The following PCSK5 variants were observed in gnomAD, a reference collection of about 807,000 sequenced individuals.
PCSK5 encodes prohormone convertase 5.
PCSK5 carries 129 observed loss-of-function variants against 233.2 expected under a neutral mutation model. The observed-to-expected ratio is 0.55, with a 90% CI of 0.48 to 0.64. The LOEUF is 0.64. PCSK5 is among the 30% of genes least tolerant of loss of function. The pLI is 0.00. For synonymous variants in PCSK5, 825 were observed against 879.2 expected, an observed-to-expected ratio of 0.94 and a Z score of 1.09; for missense variants, 2,076 against 2,430.1, an observed-to-expected ratio of 0.85 and a Z score of 3.06.
chr9:76,252,727 A>C (rs1484730699), intron 24 of PCSK5, among the ~76,000 whole-genome samples: 1 of 152,222 alleles, frequency 6.6e-6, no homozygotes, highest in African/African-American at 2.4e-5. Context: ...CTCAACCCAC[A>C]TTAAATTCAA....
intron 3 of PCSK5, among the ~76,000 whole-genome samples, chr9:75,991,920 T>TA (rs1587468508): frequency 6.6e-6 from 1 of 151,606 alleles, no homozygotes; most frequent in Non-Finnish European, 1.5e-5. Flanking sequence ...CCCCTCTCTC[T>TA]AAAAAAATGT....
chr9:76,175,310 TAGAAC>T (rs763230045), intron 14 of PCSK5, 181 bp downstream of exon 14: 4 of 493,256 alleles, frequency 8.1e-6, no homozygotes, highest in Non-Finnish European at 1.4e-5. Context: ...TAGAATAGAA[TAGAAC>T]AGAACAGAAT....
intron 28 of PCSK5, among the ~76,000 whole-genome samples, chr9:76,303,679 G>A (rs898295536): frequency 3.9e-5 from 6 of 151,982 alleles, no homozygotes; most frequent in Non-Finnish European, 7.4e-5. Flanking sequence ...CTTGCCTTTC[G>A]GCTGCCTTCT....
chr9:76,208,935 A>T (rs1260547164), intron 20 of PCSK5, among the ~76,000 whole-genome samples: 2 of 152,204 alleles, frequency 1.3e-5, no homozygotes, highest in Non-Finnish European at 2.9e-5. Flanking sequence ...CCTCTCTAAT[A>T]TATTTTTGTC....
At chr9:76,022,103 A>G (rs1470267244) in intron 3 of PCSK5, among the ~76,000 whole-genome samples, 2 of 152,130 alleles carry the variant, frequency 1.3e-5, no homozygotes, top group African/African-American at 4.8e-5. Context: ...CATCTCATCT[A>G]AAGTGGTGTA....
chr9:76,222,218 T>C (rs1825749990), intron 20 of PCSK5, among the ~76,000 whole-genome samples: 1 of 152,220 alleles, frequency 6.6e-6, no homozygotes. Flanking sequence ...AGATGGTGGA[T>C]TGGTTGATAC....
At chr9:76,307,410 T>C (rs1828735361) in intron 28 of PCSK5, among the ~76,000 whole-genome samples, 1 of 152,162 alleles carries the variant, frequency 6.6e-6, no homozygotes, top group Admixed American at 6.6e-5. Context: ...TAGAACTTCG[T>C]TTTCTAATTT....
At chr9:76,259,657 T>C (rs910754127) in intron 24 of PCSK5, among the ~76,000 whole-genome samples, 1 of 152,194 alleles carries the variant, frequency 6.6e-6, no homozygotes, top group South Asian at 2.1e-4. Context: ...TTTCATCAGC[T>C]CCTTGAATCA....
intron 24 of PCSK5, among the ~76,000 whole-genome samples, chr9:76,241,449 T>A (rs920781939): frequency 4.6e-5 from 7 of 152,002 alleles, no homozygotes; most frequent in African/African-American, 1.2e-4. Context: ...CTTAAAACAA[T>A]AAAAATGAAA....
At chr9:76,061,511 A>G (rs1830026750) in intron 5 of PCSK5, among the ~76,000 whole-genome samples, 1 of 152,170 alleles carries the variant, frequency 6.6e-6, no homozygotes, top group African/African-American at 2.4e-5. Context: ...AATGAACTAT[A>G]AGAACAGTCT....
chr9:75,943,809 T>C (rs1325533939), intron 2 of PCSK5, among the ~76,000 whole-genome samples: 1 of 152,124 alleles, frequency 6.6e-6, no homozygotes, highest in Non-Finnish European at 1.5e-5. Context: ...AACAAAATAG[T>C]AAGTTGCCAT....
chr9:76,164,194 T>A (rs1349375653), intron 12 of PCSK5, among the ~76,000 whole-genome samples: 1 of 152,210 alleles, frequency 6.6e-6, no homozygotes, highest in Admixed American at 6.5e-5. Context: ...AATGCATCTG[T>A]GGGTTGCAGT....
chr9:75,963,202 C>G (rs968807848), intron 2 of PCSK5, among the ~76,000 whole-genome samples: 6 of 152,048 alleles, frequency 3.9e-5, no homozygotes, highest in African/African-American at 1.4e-4. Context: ...ATACTTTATC[C>G]AACAAGAGAG....
At chr9:76,157,606 A>C (rs1456629595) in intron 11 of PCSK5, among the ~76,000 whole-genome samples, 1 of 151,910 alleles carries the variant, frequency 6.6e-6, no homozygotes, top group East Asian at 1.9e-4. Flanking sequence ...ACAAACTTGG[A>C]AGCTGTGCTG....
chr9:75,968,160 A>G (rs1825673088), intron 2 of PCSK5, among the ~76,000 whole-genome samples: 1 of 152,256 alleles, frequency 6.6e-6, no homozygotes, highest in Admixed American at 6.5e-5. Flanking sequence ...ATGCAACACT[A>G]GTGCCTAGCA....
chr9:76,008,790 A>C (rs1295659556), intron 3 of PCSK5, among the ~76,000 whole-genome samples: 2 of 152,236 alleles, frequency 1.3e-5, no homozygotes, highest in Non-Finnish European at 2.9e-5. Context: ...TTAAGAAAGA[A>C]AGATGCAGTT....
Position 76,055,316 on chromosome 9 carries a change from T to A in PCSK5, c.633-12639T>A, listed in dbSNP as rs973459565. Among the ~76,000 whole-genome samples, 4 of 152,178 alleles carry A rather than the reference T, an allele frequency of 2.6e-5. No homozygotes were observed. In the East Asian group the frequency reaches 7.7e-4, roughly 29 times the overall value. Reference sequence around the variant, plus strand: ...TGTTTTTAAGGCCTCGTGGACTTCATGTAATTCCAAGTACTTCAGAAGTTA... The same window carrying A: ...TGTTTTTAAGGCCTCGTGGACTTCAAGTAATTCCAAGTACTTCAGAAGTTA... On this transcript the variant is annotated intron_variant, in intron 5 of 37. Coordinates refer to ENST00000674117, the MANE Select transcript of PCSK5 (RefSeq NM_001372043.1).
chr9:76,019,554 A>G (rs548625219), intron 3 of PCSK5, among the ~76,000 whole-genome samples: 41 of 152,278 alleles, frequency 2.7e-4, no homozygotes, highest in African/African-American at 8.9e-4. Flanking sequence ...TAAAAAATAT[A>G]ATACCATAAG....
intron 35 of PCSK5, among the ~76,000 whole-genome samples, chr9:76,343,116 A>G (rs13297620): frequency 0.028 from 4,255 of 151,810 alleles, 72 homozygotes; most frequent in Non-Finnish European, 0.043. Flanking sequence ...AACAAATATA[A>G]TGATACATCT....
Sources: gnomAD v4.1 joint callset for allele counts (sites outside exome capture counted in the v4.1 genomes callset) on GRCh38, gnomAD v4.1.1 for gene constraint, MANE v1.5 for transcripts, NCBI Gene and HGNC (gene_info 2026-07-23, HGNC 2026-07-21) for gene names.